DST: variants seen among roughly 807,000 people sequenced by gnomAD.
The protein encoded by DST is dystonin, also known as bullous pemphigoid antigen.
In DST, 253 loss-of-function variants were observed where a neutral mutation model predicts 875.2. The observed-to-expected ratio is 0.29, with a 90% CI of 0.26 to 0.32. DST has a LOEUF of 0.32. DST is among the 10% of genes least tolerant of loss of function. The pLI, the probability that DST is intolerant of heterozygous loss-of-function variation, is 1.00. For missense variants in DST, 8,287 were observed against 9,111.6 expected, an observed-to-expected ratio of 0.91 and a Z score of 3.68; for synonymous variants, 3,124 against 3,197.1, an observed-to-expected ratio of 0.98 and a Z score of 0.77.
intron 10 of DST, among the ~76,000 whole-genome samples, chr6:56,667,631 T>C (rs1466457037): frequency 6.6e-6 from 1 of 152,146 alleles, no homozygotes; most frequent in African/African-American, 2.4e-5. Flanking sequence ...AGTCCTAAGT[T>C]AAAGCTAAAC....
At chr6:56,542,427 TTAA>T (rs2097144126) in intron 61 of DST, 1 of 85,448 alleles carries the variant, frequency 1.2e-5, no homozygotes, top group Non-Finnish European at 2.0e-5. Context: ...CTAAGCTTCT[TTAA>T]AAAAAAAAAA....
At chr6:56,646,948 T>C (rs901006210) in intron 13 of DST, among the ~76,000 whole-genome samples, 4 of 152,240 alleles carry the variant, frequency 2.6e-5, no homozygotes, top group Admixed American at 2.6e-4. Flanking sequence ...ATGACACATT[T>C]CTGAAGGATT....
intron 37 of DST, among the ~76,000 whole-genome samples, chr6:56,613,020 C>T (rs1409368418): frequency 6.6e-6 from 1 of 151,916 alleles, no homozygotes; most frequent in Non-Finnish European, 1.5e-5. Context: ...CAGAGCAAGA[C>T]CCTGTCTCAA....
chr6:56,703,871 C>CAA (rs35794687), intron 6 of DST, 125 bp from the exon 7 acceptor site: 6,360 of 122,336 alleles, frequency 0.052, 470 homozygotes, highest in African/African-American at 0.17. Flanking sequence ...TAATGTTCAC[C>CAA]AAAAAAAAAA....
intron 61 of DST, among the ~76,000 whole-genome samples, chr6:56,542,197 G>A (rs1038336863): frequency 1.4e-4 from 21 of 151,574 alleles, no homozygotes; most frequent in Non-Finnish European, 2.9e-4. Context: ...TAAGTCTAAC[G>A]TTATGAGAAA....
rs73746921 is a variant in DST, at chr6:56,590,754, G to A, written c.12903+1428C>T. Among the ~76,000 whole-genome samples the A allele has an allele frequency of 2.8e-3, 428 of 152,262 alleles. 1 individual carries two copies. The highest frequency in any genetic ancestry group is 8.5e-3 in the African/African-American group (353 of 41,552). On this transcript the variant is annotated intron_variant, in intron 49 of 103. Transcript: ENST00000680361. ...AAGGGCTGGATAAACTCTTCAGCCT[G>A]GGAAAGAAGCAGTGCCCTCCACCCT...
At chr6:56,930,377 T>C (rs1809524623) in intron 2 of DST, among the ~76,000 whole-genome samples, 1 of 152,240 alleles carries the variant, frequency 6.6e-6, no homozygotes. Context: ...CAGCAGCCTG[T>C]CTTGTGTGTA....
At chr6:56,641,115 CAGAGAGAGAGAGAG>C (rs145412096) in intron 17 of DST, among the ~76,000 whole-genome samples, 8 of 142,546 alleles carry the variant, frequency 5.6e-5, no homozygotes, top group African/African-American at 1.8e-4. Context: ...TATTTATGCA[CAGAGAGAGAGAGAG>C]AGAGAGAGAG....
intron 4 of DST, among the ~76,000 whole-genome samples, chr6:56,818,314 G>A (rs757610774): frequency 2.0e-5 from 3 of 152,066 alleles, no homozygotes; most frequent in African/African-American, 4.8e-5. Flanking sequence ...GGGAAAGCAG[G>A]GGGGGAACTA....
At chr6:56,620,328 G>C in intron 36 of DST, 1 of 1,614,118 alleles carries the variant, frequency 6.2e-7, no homozygotes, top group Non-Finnish European at 8.5e-7. Context: ...CGAAAATTCA[G>C]GAGGTTCTCT....
At chr6:56,579,900 A>G (rs2152641051) in intron 49 of DST, among the ~76,000 whole-genome samples, 1 of 152,324 alleles carries the variant, frequency 6.6e-6, no homozygotes, top group Admixed American at 6.5e-5. Flanking sequence ...ACTGCATGGG[A>G]AAAGTCCAAT....
chr6:56,622,259 T>C (rs1419454123), intron 36 of DST, among the ~76,000 whole-genome samples: 1 of 152,148 alleles, frequency 6.6e-6, no homozygotes, highest in Middle Eastern at 3.2e-3. Context: ...CTCAATGCCT[T>C]AGGCAATGCA....
At chr6:56,537,004 A>G in intron 61 of DST, 64 bp from the exon 62 acceptor site, 1 of 1,456,714 alleles carries the variant, frequency 6.9e-7, no homozygotes, top group Non-Finnish European at 9.5e-7. Flanking sequence ...ATATATAATA[A>G]GCATTTCTTT....
chr6:56,790,713 C>T (rs1475542178), intron 4 of DST, among the ~76,000 whole-genome samples: 1 of 152,156 alleles, frequency 6.6e-6, no homozygotes, highest in Non-Finnish European at 1.5e-5. Context: ...TTCAAAATTA[C>T]TCATGAACTT....
At chr6:56,633,233 C>CTTTTTTTTTTTTTTTTTT (rs61647189) in intron 27 of DST, among the ~76,000 whole-genome samples, 196 bp from the exon 28 acceptor site, 4 of 138,718 alleles carry the variant, frequency 2.9e-5, no homozygotes, top group African/African-American at 1.2e-4. Context: ...GAGTTTCACT[C>CTTTTTTTTTTTTTTTTTT]TTTTTTTTTT....
intron 4 of DST, among the ~76,000 whole-genome samples, chr6:56,777,115 AT>A (rs1455877986): frequency 1.3e-5 from 2 of 151,854 alleles, no homozygotes; most frequent in African/African-American, 4.9e-5. Flanking sequence ...ATTGCTGATT[AT>A]TCTTTACTTG....
chr6:56,937,749 G>A (rs575447210), intron 2 of DST, among the ~76,000 whole-genome samples: 4 of 152,248 alleles, frequency 2.6e-5, no homozygotes, highest in South Asian at 2.1e-4. Flanking sequence ...AGGGAGAAGC[G>A]CCAATGTCCA....
At chr6:56,903,082 G>GC (rs56028614) in intron 2 of DST, among the ~76,000 whole-genome samples, 48,652 of 151,892 alleles carry the variant, frequency 0.32, 9,130 homozygotes, top group African/African-American at 0.52. Context: ...ATCTCCCATA[G>GC]CCCTGCATTC....
At chr6:56,950,620 T>G (rs1014378571) in intron 2 of DST, among the ~76,000 whole-genome samples, 3 of 152,188 alleles carry the variant, frequency 2.0e-5, no homozygotes, top group African/African-American at 7.2e-5. Flanking sequence ...TCTTGCTACA[T>G]CAATGTGAAA....
Sources: gnomAD v4.1 joint callset for allele counts (sites outside exome capture counted in the v4.1 genomes callset) on GRCh38, gnomAD v4.1.1 for gene constraint, MANE v1.5 for transcripts, NCBI Gene and HGNC (gene_info 2026-07-23, HGNC 2026-07-21) for gene names.